The following FARS2 variants were observed in gnomAD, a reference collection of about 807,000 sequenced individuals.
The protein encoded by FARS2 is phenylalanine--tRNA ligase, mitochondrial.
In FARS2, 40 loss-of-function variants were observed where a neutral mutation model predicts 46.4. The observed-to-expected ratio is 0.86, with a 90% CI of 0.67 to 1.12. The LOEUF (loss-of-function observed/expected upper bound fraction) is 1.12. FARS2 is among the 50% of genes most tolerant of loss of function. The pLI, the probability that FARS2 is intolerant of heterozygous loss-of-function variation, is 0.00. For missense variants in FARS2, 513 were observed against 567.9 expected, an observed-to-expected ratio of 0.90 and a Z score of 0.98; for synonymous variants, 234 against 214.9, an observed-to-expected ratio of 1.09 and a Z score of -0.78.
chr6:5,464,172 A>C (rs1406922592), intron 4 of FARS2, among the ~76,000 whole-genome samples: 2 of 152,276 alleles, frequency 1.3e-5, no homozygotes, highest in Non-Finnish European at 2.9e-5. Context: ...AAGGAAAGTT[A>C]GTCCCTGTTA....
chr6:5,322,751 G>T (rs1770073348), intron 1 of FARS2, among the ~76,000 whole-genome samples: 1 of 152,116 alleles, frequency 6.6e-6, no homozygotes, highest in Non-Finnish European at 1.5e-5. Flanking sequence ...GCCTAAGCAG[G>T]ATTCACTTTC....
chr6:5,626,086 G>C (rs940906389), intron 6 of FARS2, among the ~76,000 whole-genome samples: 1 of 152,104 alleles, frequency 6.6e-6, no homozygotes, highest in Non-Finnish European at 1.5e-5. Flanking sequence ...TGTCTAGTAA[G>C]GAAAAAGCAA....
chr6:5,490,811 T>C (rs1427750879), intron 4 of FARS2, among the ~76,000 whole-genome samples: 1 of 152,208 alleles, frequency 6.6e-6, no homozygotes, highest in Non-Finnish European at 1.5e-5. Flanking sequence ...AGTGAGAAAC[T>C]GGTACTGCCT....
intron 1 of FARS2, among the ~76,000 whole-genome samples, chr6:5,349,636 G>A (rs939384744): frequency 3.9e-5 from 6 of 152,040 alleles, no homozygotes; most frequent in African/African-American, 1.2e-4. Flanking sequence ...AACCACTATT[G>A]TTACATTATT....
At chr6:5,690,882 A>G (rs893722865) in intron 6 of FARS2, among the ~76,000 whole-genome samples, 1 of 152,102 alleles carries the variant, frequency 6.6e-6, no homozygotes, top group Admixed American at 6.6e-5. Context: ...TATTTCTTGG[A>G]GGCCTTGTTC....
intron 6 of FARS2, among the ~76,000 whole-genome samples, chr6:5,719,577 G>A (rs751400230): frequency 1.8e-4 from 28 of 152,102 alleles, no homozygotes; most frequent in African/African-American, 5.6e-4. Flanking sequence ...AGGCAGTTGC[G>A]AGGGCACAAC....
chr6:5,690,431 G>A lies in FARS2; in HGVS notation c.1217+77111G>A, dbSNP rs537753642. ...CTCTCAGCATTTGCTTGTCTGTAAA[G>A]GATTTTATTTCTCCTTCACTTATGA... On this transcript the variant is annotated intron_variant, in intron 6 of 6. Coordinates refer to ENST00000274680, the MANE Select transcript of FARS2 (RefSeq NM_006567.5). 6.0e-5 allele frequency among the ~76,000 whole-genome samples: 9 copies of A among 151,078 alleles called. No homozygotes were observed. The East Asian group carries it at 1.4e-3, about 23-fold the overall frequency.
intron 6 of FARS2, among the ~76,000 whole-genome samples, chr6:5,664,674 C>G (rs1030879543): frequency 6.6e-6 from 1 of 152,202 alleles, no homozygotes; most frequent in African/African-American, 2.4e-5. Flanking sequence ...GTCTGTCTCT[C>G]TTAGTAGGAC....
At chr6:5,628,641 C>T (rs781164948) in intron 6 of FARS2, among the ~76,000 whole-genome samples, 1 of 152,328 alleles carries the variant, frequency 6.6e-6, no homozygotes, top group Non-Finnish European at 1.5e-5. Flanking sequence ...CTGTGAGTAC[C>T]TAGGAACCAT....
chr6:5,550,498 T>G (rs1771307693), intron 5 of FARS2, among the ~76,000 whole-genome samples: 1 of 152,206 alleles, frequency 6.6e-6, no homozygotes, highest in Non-Finnish European at 1.5e-5. Context: ...ACTCCTGGGC[T>G]CAAGCAGTCT....
intron 4 of FARS2, among the ~76,000 whole-genome samples, chr6:5,492,060 A>G (rs1288155138): frequency 1.3e-5 from 2 of 152,234 alleles, no homozygotes; most frequent in Non-Finnish European, 2.9e-5. Flanking sequence ...TATCTAGGTC[A>G]ATAAAAACTA....
intron 1 of FARS2, among the ~76,000 whole-genome samples, chr6:5,358,468 A>G (rs767719695): frequency 2.0e-5 from 3 of 152,186 alleles, no homozygotes; most frequent in Admixed American, 2.0e-4. Flanking sequence ...GCTTAAAAAC[A>G]TGAAGGATGA....
At chr6:5,334,082 G>T (rs1437871746) in intron 1 of FARS2, among the ~76,000 whole-genome samples, 1 of 152,196 alleles carries the variant, frequency 6.6e-6, no homozygotes, top group East Asian at 1.9e-4. Flanking sequence ...CATTTAAAAT[G>T]TTTGTGGTCA....
At chr6:5,761,809 A>T (rs972148671) in intron 6 of FARS2, among the ~76,000 whole-genome samples, 11 of 85,770 alleles carry the variant, frequency 1.3e-4, no homozygotes, top group Non-Finnish European at 2.4e-4. Flanking sequence ...TGGAGGATCT[A>T]AAAAAAAAAA....
chr6:5,526,852 G>A lies in FARS2; in HGVS notation c.905-18328G>A, dbSNP rs1213463968. On this transcript the variant is annotated intron_variant, in intron 4 of 6. Transcript: ENST00000274680. The stretch of plus-strand genomic sequence containing the variant: ...GGCTGGTCTCAAACTCCTGACCTCA[G>A]ATGATCCGCCCGCCTCAGCCTCCCA... Among the ~76,000 whole-genome samples, 8 of 152,000 alleles carry A rather than the reference G, an allele frequency of 5.3e-5. No individual in the cohort carries two copies. In the East Asian group the frequency reaches 1.5e-3, roughly 29 times the overall value.
chr6:5,327,399 T>C (rs547590940), intron 1 of FARS2, among the ~76,000 whole-genome samples: 2 of 152,276 alleles, frequency 1.3e-5, no homozygotes, highest in East Asian at 3.9e-4. Context: ...TCATCCCTAA[T>C]TGTAGCCCAT....
intron 1 of FARS2, 73 bp downstream of exon 1, chr6:5,261,733 TG>T (rs1457057239): frequency 1.3e-5 from 2 of 152,338 alleles, no homozygotes; most frequent in Non-Finnish European, 2.9e-5. Context: ...ACATTGGCCG[TG>T]GATTTTTTCC....
At chr6:5,706,944 T>A (rs1264850255) in intron 6 of FARS2, among the ~76,000 whole-genome samples, 1 of 152,160 alleles carries the variant, frequency 6.6e-6, no homozygotes, top group Non-Finnish European at 1.5e-5. Flanking sequence ...TGTGATAGAG[T>A]CTGAGCAGCA....
At chr6:5,466,725 G>A (rs1013128555) in intron 4 of FARS2, 3 of 980,404 alleles carry the variant, frequency 3.1e-6, no homozygotes, top group Non-Finnish European at 3.6e-6. Context: ...CCAGAGAGTC[G>A]AATGCAAGGC....
Sources: gnomAD v4.1 joint callset for allele counts (sites outside exome capture counted in the v4.1 genomes callset) on GRCh38, gnomAD v4.1.1 for gene constraint, MANE v1.5 for transcripts, NCBI Gene and HGNC (gene_info 2026-07-23, HGNC 2026-07-21) for gene names.